The following ZFAT variants were observed in gnomAD, a reference collection of about 807,000 sequenced individuals.
ZFAT encodes the protein zinc finger protein ZFAT.
Under a neutral mutation model 117.7 loss-of-function variants are expected in ZFAT, and 64 were observed. The observed-to-expected ratio is 0.54, with a 90% confidence interval of 0.44 to 0.67. The LOEUF is 0.67. ZFAT is among the 30% of genes least tolerant of loss of function. The pLI, the probability that ZFAT is intolerant of heterozygous loss-of-function variation, is 0.00. For synonymous variants in ZFAT, 679 were observed against 615.0 expected, an observed-to-expected ratio of 1.10 and a Z score of -1.54; for missense variants, 1,433 against 1,584.5, an observed-to-expected ratio of 0.90 and a Z score of 1.62.
chr8:134,566,738 C>T (rs1716718774), intron 10 of ZFAT, among the ~76,000 whole-genome samples: 1 of 152,192 alleles, frequency 6.6e-6, no homozygotes, highest in African/African-American at 2.4e-5. Context: ...TCACTGCCAG[C>T]TCACCTGGAA....
intron 14 of ZFAT, chr8:134,510,298 T>A (rs763350315): frequency 7.7e-6 from 3 of 391,184 alleles, no homozygotes; most frequent in Non-Finnish European, 1.0e-5. Context: ...TTCTGCATCA[T>A]CAGGCAGCTA....
the ZFAT span, among the ~76,000 whole-genome samples, chr8:134,808,756 A>G: frequency 6.6e-6 from 1 of 152,370 alleles, no homozygotes; most frequent in Middle Eastern, 3.4e-3. Context: ...AGATTTTTAC[A>G]GTGATAACTG....
chr8:134,735,370 C>A, the ZFAT span, among the ~76,000 whole-genome samples: 3 of 152,172 alleles, frequency 2.0e-5, no homozygotes, highest in African/African-American at 4.8e-5. Flanking sequence ...TGGGAAGTAG[C>A]AGCATTGAGG....
chr8:134,808,739 T>A, the ZFAT span, among the ~76,000 whole-genome samples: 1 of 152,202 alleles, frequency 6.6e-6, no homozygotes, highest in African/African-American at 2.4e-5. Context: ...ACACCTTTTA[T>A]GTAACTAGAT....
chr8:134,756,576 G>A, the ZFAT span, among the ~76,000 whole-genome samples: 3 of 152,178 alleles, frequency 2.0e-5, no homozygotes, highest in East Asian at 5.8e-4. Context: ...TTCAGGTCCG[G>A]TGCCCTGTCC....
chr8:134,731,893 A>G, the ZFAT span, among the ~76,000 whole-genome samples: 1 of 152,220 alleles, frequency 6.6e-6, no homozygotes, highest in Non-Finnish European at 1.5e-5. Context: ...TGTCACAGTC[A>G]TTCCTCATAA....
chr8:134,594,029 A>C (rs543122272), intron 7 of ZFAT, among the ~76,000 whole-genome samples: 1 of 152,234 alleles, frequency 6.6e-6, no homozygotes, highest in Non-Finnish European at 1.5e-5. Context: ...AGAGCCAGAA[A>C]CGTGCTCGAT....
At chr8:134,575,552 C>T (rs1252490140) in intron 10 of ZFAT, among the ~76,000 whole-genome samples, 2 of 152,220 alleles carry the variant, frequency 1.3e-5, no homozygotes, top group Non-Finnish European at 2.9e-5. Flanking sequence ...CAACATAATA[C>T]ATCTGTGTTG....
chr8:134,726,575 T>G, the ZFAT span, among the ~76,000 whole-genome samples: 1 of 152,112 alleles, frequency 6.6e-6, no homozygotes, highest in African/African-American at 2.4e-5. Flanking sequence ...ATTGGGAAGT[T>G]GCTGATCACC....
chr8:134,616,913 G>A (rs1284401207), intron 3 of ZFAT, among the ~76,000 whole-genome samples: 1 of 152,140 alleles, frequency 6.6e-6, no homozygotes, highest in African/African-American at 2.4e-5. Context: ...TATAAATAAG[G>A]ACCTCAAAAG....
the ZFAT span, among the ~76,000 whole-genome samples, chr8:134,806,760 ATTC>A: frequency 1.3e-5 from 2 of 152,240 alleles, no homozygotes; most frequent in Non-Finnish European, 2.9e-5. Flanking sequence ...TGTATAATAT[ATTC>A]TTGAGGAAAC....
chr8:134,664,089 A>G (rs1425674054), intron 1 of ZFAT, among the ~76,000 whole-genome samples: 2 of 152,132 alleles, frequency 1.3e-5, no homozygotes, highest in African/African-American at 4.8e-5. Flanking sequence ...GAGGTCATGG[A>G]AGGGGCTCCC....
intron 1 of ZFAT, among the ~76,000 whole-genome samples, chr8:134,676,685 C>T (rs1184978695): frequency 6.6e-6 from 1 of 152,172 alleles, no homozygotes; most frequent in Non-Finnish European, 1.5e-5. Flanking sequence ...AAATTGACCA[C>T]ATAATTGGAA....
intron 10 of ZFAT, among the ~76,000 whole-genome samples, chr8:134,576,158 G>A (rs1311294173): frequency 2.6e-5 from 4 of 152,176 alleles, no homozygotes; most frequent in Non-Finnish European, 5.9e-5. Flanking sequence ...GAGGTTTTAG[G>A]TGGCCAAGCC....
At chr8:134,525,777 C>T (rs188871906) in intron 12 of ZFAT, among the ~76,000 whole-genome samples, 117 of 152,302 alleles carry the variant, frequency 7.7e-4, no homozygotes, top group South Asian at 2.1e-4. Context: ...AGAAGGCGCC[C>T]GCTGTCAGCA....
the ZFAT span, among the ~76,000 whole-genome samples, chr8:134,748,724 G>A: frequency 6.6e-6 from 1 of 152,110 alleles, no homozygotes; most frequent in African/African-American, 2.4e-5. Flanking sequence ...TAGCCAACAC[G>A]CAGTATTGTT....
At chr8:134,756,359 T>C in the ZFAT span, among the ~76,000 whole-genome samples, 1 of 152,202 alleles carries the variant, frequency 6.6e-6, no homozygotes, top group Non-Finnish European at 1.5e-5. Flanking sequence ...ATCGTGACCA[T>C]GACTGAGATG....
intron 1 of ZFAT, among the ~76,000 whole-genome samples, chr8:134,668,978 G>A (rs1390400410): frequency 1.3e-5 from 2 of 152,136 alleles, no homozygotes; most frequent in Non-Finnish European, 2.9e-5. Context: ...TAGCCGATTC[G>A]ATCAACTGGA....
At chr8:134,581,230 T>C (rs1825689206) in intron 10 of ZFAT, among the ~76,000 whole-genome samples, 1 of 151,916 alleles carries the variant, frequency 6.6e-6, no homozygotes, top group Non-Finnish European at 1.5e-5. Context: ...AAGGGGTCTA[T>C]GACTCAGCAC....
Sources: gnomAD v4.1 joint callset for allele counts (sites outside exome capture counted in the v4.1 genomes callset) on GRCh38, gnomAD v4.1.1 for gene constraint, MANE v1.5 for transcripts, NCBI Gene and HGNC (gene_info 2026-07-23, HGNC 2026-07-21) for gene names.